ARMC3: variants seen among roughly 807,000 people sequenced by gnomAD.
The protein encoded by ARMC3 is armadillo repeat-containing protein 3.
A neutral mutation model predicts 90.3 loss-of-function variants in ARMC3; 74 were observed. The observed-to-expected ratio is 0.82, with a 90% CI of 0.68 to 0.99. The LOEUF is 0.99. Ranked by LOEUF, ARMC3 falls within the 50% of genes least tolerant of loss-of-function variation. ARMC3 has a pLI of 0.00. For synonymous variants in ARMC3, 334 were observed against 361.8 expected (o/e 0.92, Z 0.87); for missense variants, 958 against 1,042.8 (o/e 0.92, Z 1.12).
chr10:22,998,196 T>C lies in ARMC3; in HGVS notation c.1224T>C (p.Ser408=), dbSNP rs763481063. 6.2e-7 allele frequency: 1 copy of C among 1,613,856 alleles called. No homozygotes were observed. Among genetic ancestry groups the C allele is most frequent in the East Asian group, 2.2e-5 (1 of 44,866 alleles). ...DGIDPLINLL[S]SKRDGAIANA... ...TTGATCCATTAATAAACCTCCTGTC[T>C]AGTAAACGAGATGGAGCCATTGCCA... is the stretch of plus-strand genomic sequence containing the variant. Residue 408 remains serine, a synonymous_variant, in exon 11 of 19, where the codon TCT becomes TCC. Transcript: ENST00000298032.
chr10:22,946,474 C>T (rs1040557443), intron 3 of ARMC3: 15 of 327,156 alleles, frequency 4.6e-5, no homozygotes, highest in East Asian at 3.3e-4. Flanking sequence ...CTGGGTAGAA[C>T]AGTCATTCTG....
chr10:22,972,506 C>T (rs1835721502), intron 8 of ARMC3, among the ~76,000 whole-genome samples: 1 of 152,154 alleles, frequency 6.6e-6, no homozygotes, highest in African/African-American at 2.4e-5. Flanking sequence ...TTTTCTGATT[C>T]TACTTCCTTT....
chr10:23,008,321 A>G lies in ARMC3; in HGVS notation c.1875A>G (p.Gly625=), dbSNP rs1213547637. ...AAGATAAATCAGATGTTGGTTATGG[A>G]CGAAGTATTTCTTCTTCATCTTCCT... ...SMEDKSDVGY[G]RSISSSSSLR... Residue 625 remains glycine, a synonymous_variant, in exon 15 of 19, where the codon GGA becomes GGG. Transcript: ENST00000298032. 1 of 1,560,614 alleles carries G rather than the reference A, an allele frequency of 6.4e-7. No homozygotes were observed. The highest frequency in any genetic ancestry group is 1.8e-5 in the Admixed American group (1 of 56,604).
At chr10:22,974,633 T>G (rs1564365060) in intron 8 of ARMC3, among the ~76,000 whole-genome samples, 1 of 150,798 alleles carries the variant, frequency 6.6e-6, no homozygotes, top group African/African-American at 2.4e-5. Flanking sequence ...AAAATCTGTT[T>G]TTTTTTGTTT....
intron 10 of ARMC3, among the ~76,000 whole-genome samples, chr10:22,987,277 C>T (rs1836491933): frequency 2.6e-5 from 4 of 152,292 alleles, no homozygotes; most frequent in African/African-American, 9.6e-5. Flanking sequence ...TACTGAGAGA[C>T]TTATTCTCTG....
At chr10:23,032,745 C>G (rs1488486499) in intron 17 of ARMC3, 116 bp from the exon 18 acceptor site, 11 of 1,125,174 alleles carry the variant, frequency 9.8e-6, no homozygotes, top group Middle Eastern at 6.0e-4. Context: ...AAATAAAGCA[C>G]AACAAAAATC....
At chr10:22,986,119 C>CCG (rs1554779908) in intron 10 of ARMC3, among the ~76,000 whole-genome samples, 1 of 148,862 alleles carries the variant, frequency 6.7e-6, no homozygotes, top group African/African-American at 2.5e-5. Flanking sequence ...CGCCCCCCCC[C>CCG]CGCGCCACAC....
chr10:22,959,595 G>A (rs943248094), intron 6 of ARMC3, 21 bp downstream of exon 6: 2 of 1,561,326 alleles, frequency 1.3e-6, no homozygotes, highest in Non-Finnish European at 1.7e-6. Flanking sequence ...TTTCTAAAAA[G>A]CGTTCTGATG....
chr10:22,945,354 A>G (rs1267822725), intron 2 of ARMC3, among the ~76,000 whole-genome samples: 1 of 152,210 alleles, frequency 6.6e-6, no homozygotes, highest in Non-Finnish European at 1.5e-5. Flanking sequence ...GTCTCTGGAA[A>G]TGGAAGAAAA....
intron 2 of ARMC3, among the ~76,000 whole-genome samples, chr10:22,943,889 G>A (rs1265521665): frequency 2.0e-5 from 3 of 150,986 alleles, no homozygotes; most frequent in South Asian, 4.2e-4. Context: ...AGCCAAGATC[G>A]CGCCATTGCA....
At chr10:23,003,450 CAAT>C (rs1837417817) in intron 13 of ARMC3, 36 bp downstream of exon 13, 1 of 1,469,012 alleles carries the variant, frequency 6.8e-7, no homozygotes, top group South Asian at 1.5e-5. Flanking sequence ...TTAGTATGTA[CAAT>C]AATAATTTTT....
At chr10:22,947,430 T>C (rs926750341) in intron 3 of ARMC3, among the ~76,000 whole-genome samples, 4 of 152,206 alleles carry the variant, frequency 2.6e-5, no homozygotes, top group Non-Finnish European at 5.9e-5. Flanking sequence ...CTGTGTTATT[T>C]TTCTTAAAAA....
intron 16 of ARMC3, among the ~76,000 whole-genome samples, chr10:23,009,560 C>A (rs1044371388): frequency 1.3e-5 from 2 of 152,186 alleles, no homozygotes; most frequent in African/African-American, 4.8e-5. Flanking sequence ...GGCACCATCT[C>A]CCATCTTGGC....
chr10:22,932,500 T>C (rs530669072), intron 2 of ARMC3, among the ~76,000 whole-genome samples: 10 of 152,360 alleles, frequency 6.6e-5, no homozygotes, highest in Non-Finnish European at 1.5e-4. Flanking sequence ...ATCGAGAGAC[T>C]AGTCTGGCAT....
chr10:23,034,578 A>T (rs528132532), intron 18 of ARMC3, among the ~76,000 whole-genome samples: 2 of 152,156 alleles, frequency 1.3e-5, no homozygotes, highest in South Asian at 4.1e-4. Context: ...GATAATTCCC[A>T]TTCCTGGTCA....
Position 23,037,288 on chromosome 10 carries a change from G to C in ARMC3, c.2428G>C (p.Gly810Arg). 1 of 1,599,894 alleles carries C rather than the reference G, an allele frequency of 6.3e-7. No homozygotes were observed. Among genetic ancestry groups the C allele is most frequent in the Non-Finnish European group, 8.5e-7 (1 of 1,170,242 alleles). The change falls in exon 19 of 19, where the codon GGC becomes CGC. Residue 810 changes from glycine to arginine, a missense_variant. Coordinates refer to ENST00000298032, the MANE Select transcript of ARMC3 (RefSeq NM_173081.5). ...CCTGCAGGCTCTGGCTGATAGAATT[G>C]GCATTGGTTGCTCCCTAGTTCGCGG... ...LLFKALADRI[G>R]IGCSLVRGEY... is the part of the protein sequence containing the mutation.
At chr10:23,024,291 C>G (rs138265045) in intron 16 of ARMC3, among the ~76,000 whole-genome samples, 19 of 152,198 alleles carry the variant, frequency 1.2e-4, no homozygotes, top group Admixed American at 2.0e-4. Context: ...AAACAACTTA[C>G]AGTTAGCAGG....
intron 4 of ARMC3, among the ~76,000 whole-genome samples, chr10:22,957,935 G>A (rs1835016700): frequency 6.6e-6 from 1 of 152,028 alleles, no homozygotes; most frequent in South Asian, 2.1e-4. Context: ...GGTGGCTCAC[G>A]CCTATAATCC....
In ARMC3 at chr10:23,002,050, G is replaced by A; in HGVS notation, c.1557G>A (p.Arg519=). The change falls in exon 12 of 19, where the codon AGG becomes AGA. Residue 519 remains arginine, a synonymous_variant. Transcript: ENST00000298032. ...GDELTANELC[R]LGALDILEEV... The stretch of plus-strand genomic sequence containing the variant: ...AGCTGACGGCCAATGAATTATGCAG[G>A]CTCGGGTGAGTGGATGCCATCTCAA... The A allele has an allele frequency of 2.5e-6, 4 of 1,613,132 alleles. No homozygotes were observed. The highest frequency in any genetic ancestry group is 1.1e-5 in the South Asian group (1 of 90,860).
Sources: allele counts gnomAD v4.1 joint callset (sites outside exome capture counted in the v4.1 genomes callset), GRCh38; gene constraint gnomAD v4.1.1; transcripts MANE v1.5; gene names NCBI Gene and HGNC (gene_info 2026-07-23, HGNC 2026-07-21).